Variants in CASTOR1 observed in about 807,000 individuals in gnomAD.
CASTOR1 encodes GATS protein like 3.
In CASTOR1, 18 loss-of-function variants were observed where a neutral mutation model predicts 33.7. That is an observed-to-expected ratio of 0.53 (90% confidence interval 0.37 to 0.79). The LOEUF (loss-of-function observed/expected upper bound fraction) is 0.79. CASTOR1 is among the 30% of genes least tolerant of loss of function. The pLI is 0.00. For synonymous variants in CASTOR1, 175 were observed against 190.6 expected (o/e 0.92, Z 0.67); for missense variants, 362 against 446.3 (o/e 0.81, Z 1.70).
At chr22:30,289,347 C>T in intron 1 of CASTOR1, 38 bp downstream of exon 1, 1 of 1,410,650 alleles carries the variant, frequency 7.1e-7, no homozygotes, top group South Asian at 1.2e-5. Flanking sequence ...GAGCAGAGCC[C>T]CCAGCCCCTA....
chr22:30,285,827 C>CTCCCCCTGCCCCAGCCCTTGGTGA lies in CASTOR1; in HGVS notation c.921+4_921+5insTCACCAAGGGCTGGGGCAGGGGGA. 1 of 1,604,114 alleles carries CTCCCCCTGCCCCAGCCCTTGGTGA rather than the reference C, an allele frequency of 6.2e-7. No homozygotes were observed. The highest frequency in any genetic ancestry group is 8.5e-7 in the Non-Finnish European group (1 of 1,175,108). ...CTCCCCTCTGCCCCAGCCCTTGGTG[C>CTCCCCCTGCCCCAGCCCTTGGTGA]TCACCAGGGCGTGGTCGAAGTTGAA... is the stretch of plus-strand genomic sequence containing the variant. On this transcript the variant is annotated splice_donor_region_variant and intron_variant, in intron 8 of 8. Coordinates refer to ENST00000407689, the MANE Select transcript of CASTOR1 (RefSeq NM_001037666.3).
chr22:30,287,149 C>T lies in CASTOR1; in HGVS notation c.505+6G>A. 1 of 1,608,316 alleles carries T rather than the reference C, an allele frequency of 6.2e-7. No homozygotes were observed. Among genetic ancestry groups the T allele is most frequent in the Non-Finnish European group, 8.5e-7 (1 of 1,176,388 alleles). ...CCAAGTCCAAGTGTCAGGGGGCGGC[C>T]CTCACCATGCTGAGTGCGGGGAAAG... On this transcript the variant is annotated splice_donor_region_variant and intron_variant, in intron 4 of 8. Transcript: ENST00000407689.
chr22:30,287,041 T>C, intron 4 of CASTOR1, 93 bp from the exon 5 acceptor site: 1 of 1,553,756 alleles, frequency 6.4e-7, no homozygotes, highest in South Asian at 1.2e-5. Flanking sequence ...GGGGCAGGTC[T>C]TGCTATCCAG....
Position 30,289,411 on chromosome 22 carries a change from C to T in CASTOR1, c.87G>A (p.Lys29=), listed in dbSNP as rs1447354677. 1 of 1,596,896 alleles carries T rather than the reference C, an allele frequency of 6.3e-7. No homozygotes were observed. Among genetic ancestry groups the T allele is most frequent in the Non-Finnish European group, 8.5e-7 (1 of 1,176,080 alleles). The change falls in exon 1 of 9, where the codon AAG becomes AAA. Residue 29 remains lysine, a synonymous_variant. Transcript: ENST00000407689. ...GLWLYTHPLI[K]LLFLPRRSRC... ...GGCTGCGGCGGGGCAGGAAGAGCAG[C>T]TTGATGAGCGGGTGGGTGTAGAGCC...
chr22:30,287,123 C>A (rs758675793), intron 4 of CASTOR1, 32 bp downstream of exon 4: 7 of 1,592,588 alleles, frequency 4.4e-6, no homozygotes, highest in African/African-American at 1.3e-5. Flanking sequence ...GGAGGCCCTG[C>A]CCAAGTCCAA....
chr22:30,285,546 GA>G lies in CASTOR1; in HGVS notation c.*73del. On this transcript the variant is annotated 3_prime_UTR_variant, in exon 9 of 9. Transcript: ENST00000407689. The stretch of plus-strand genomic sequence containing the variant: ...CAGGGGGCTCGTTCCAGAGCTTAAG[GA>G]AATAGCTTAGAGAAGTCTTTGGAAG... The G allele has an allele frequency of 8.2e-7, 1 of 1,212,604 alleles. No homozygotes were observed. Among genetic ancestry groups the G allele is most frequent in the South Asian group, 1.3e-5 (1 of 75,094 alleles). 75.1% of individuals were successfully genotyped at this position (1,212,604 alleles called of 1,614,324 possible).
chr22:30,286,870 G>C lies in CASTOR1; in HGVS notation c.584C>G (p.Pro195Arg), dbSNP rs750902277. The change falls in exon 5 of 9, where the codon CCA becomes CGA. Residue 195 changes from proline (P) to arginine (R), a missense_variant. Pro to Arg is a moderately radical substitution (Grantham distance 103, BLOSUM62 -2). Transcript: ENST00000407689. The part of the protein sequence containing the change: ...CVLTLDPETL[P>R]AIATTLIDVL... ...ATCTATGAGGGTGGTGGCGATGGCT[G>C]GAAGCGTCTCAGGGTCCAGTGTGAG... 9 of 1,614,192 alleles carry C rather than the reference G, an allele frequency of 5.6e-6. No homozygotes were observed. The highest frequency in any genetic ancestry group is 7.6e-6 in the Non-Finnish European group (9 of 1,180,024).
At position 30,287,361 on chromosome 22, in the gene CASTOR1, C is replaced by T; in HGVS notation, c.372+12G>A. 6.2e-7 allele frequency: 1 copy of T among 1,605,912 alleles called. No homozygotes were observed. Among genetic ancestry groups the T allele is most frequent in the Non-Finnish European group, 8.5e-7 (1 of 1,174,962 alleles). On this transcript the variant is annotated intron_variant, in intron 3 of 8. Transcript: ENST00000407689. ...CCACCCTGCTCTGCATCAGCACCAG[C>T]AGGAAACTCACCAGGATGAAGTCCG...
At chr22:30,285,722 G>A (rs1404015843) in intron 8 of CASTOR1, 34 bp from the exon 9 acceptor site, 3 of 1,543,192 alleles carry the variant, frequency 1.9e-6, no homozygotes, top group Non-Finnish European at 2.6e-6. Context: ...AAGGGTCAAG[G>A]CGGAAGCTGG....
chr22:30,286,033 C>T lies in CASTOR1; in HGVS notation c.809G>A (p.Gly270Glu). The T allele has an allele frequency of 6.3e-7, 1 of 1,593,982 alleles. No individual in the cohort carries two copies. Among genetic ancestry groups the T allele is most frequent in the Non-Finnish European group, 8.6e-7 (1 of 1,169,424 alleles). Reference protein sequence around the residue: ...GELWRMVRIGGQPLGFDECGI... With the variant: ...GELWRMVRIGEQPLGFDECGI... ...GCCCTCACCAAAGCCCAGGGGCTGT[C>T]CACCGATGCGCACCATCCTCCACAG... The change falls in exon 7 of 9, where the codon GGA (glycine) becomes GAA (glutamate). Residue 270 changes from glycine (G) to glutamate (E), a missense_variant. Gly to Glu is a moderately conservative substitution (Grantham distance 98). Coordinates refer to ENST00000407689, the MANE Select transcript of CASTOR1 (RefSeq NM_001037666.3).
chr22:30,287,451 G>A lies in CASTOR1; in HGVS notation c.294C>T (p.Ala98=). ...AVQAAGVTKI[A]RSVIAPLAEH... The stretch of plus-strand genomic sequence containing the variant: ...CGGCCAGTGGCGCGATGACCGAACG[G>A]GCGATCTTGGTGACCCCAGCAGCCT... The change falls in exon 3 of 9, where the codon GCC becomes GCT. Residue 98 remains alanine (A), a synonymous_variant. Coordinates refer to ENST00000407689, the MANE Select transcript of CASTOR1 (RefSeq NM_001037666.3). 1.2e-6 allele frequency: 2 copies of A among 1,613,360 alleles called. No individual in the cohort carries two copies. The highest frequency in any genetic ancestry group is 1.7e-6 in the Non-Finnish European group (2 of 1,180,032).
intron 5 of CASTOR1, 126 bp from the exon 6 acceptor site, chr22:30,286,502 C>T (rs5753057): frequency 1.4e-6 from 1 of 721,152 alleles, no homozygotes; most frequent in Non-Finnish European, 2.4e-6. Context: ...GCCATATCTG[C>T]TACCCGCCCA....
chr22:30,287,525 C>T lies in CASTOR1; in HGVS notation c.220G>A (p.Ala74Thr). Residue 74 changes from alanine to threonine, a missense_variant, in exon 3 of 9, where the codon GCC becomes ACC. Physicochemically the swap from Ala to Thr is moderately conservative, Grantham distance 58 (BLOSUM62 0). Coordinates refer to ENST00000407689, the MANE Select transcript of CASTOR1 (RefSeq NM_001037666.3). Reference protein sequence around the residue: ...PPSEFLQVAEATWLVLNVSSH... With the variant: ...PPSEFLQVAETTWLVLNVSSH... ...GACACGTTCAGCACCAGCCATGTGG[C>T]CTCAGCTACTTGCAGGAACTCAGAT... 1.2e-6 allele frequency: 2 copies of T among 1,613,252 alleles called. No individual in the cohort carries two copies. Among genetic ancestry groups the T allele is most frequent in the South Asian group, 1.1e-5 (1 of 91,066 alleles).
chr22:30,287,344 C>G, intron 3 of CASTOR1, 29 bp downstream of exon 3: 2 of 1,598,584 alleles, frequency 1.3e-6, no homozygotes, highest in Non-Finnish European at 1.7e-6. Context: ...ATCCACCCTG[C>G]TCTGCATCAG....
Position 30,285,499 on chromosome 22 carries a change from G to A in CASTOR1, c.*121C>T, listed in dbSNP as rs755989387. On this transcript the variant is annotated 3_prime_UTR_variant, in exon 9 of 9. Transcript: ENST00000407689. The stretch of plus-strand genomic sequence containing the variant: ...TGCACGCAGCTTACATACAGAGAGC[G>A]GAACGAGGGTCCCCAGCAGAACAGG... 4.7e-5 allele frequency: 36 copies of A among 771,262 alleles called. No homozygotes were observed. Among genetic ancestry groups the A allele is most frequent in the Admixed American group, 4.0e-4 (14 of 34,892 alleles). The allele number at this position is 771,262 out of a possible 1,614,324, so 47.8% of individuals were successfully genotyped here.
Position 30,285,858 on chromosome 22 carries a change from TG to T in CASTOR1, c.894del (p.Ser299AlafsTer58), listed in dbSNP as rs1179798129. On this transcript the variant is annotated frameshift_variant, in exon 8 of 9. Transcript: ENST00000407689. LOFTEE classifies it high-confidence loss of function. ...LAAADISAYY[I>X]STFNFDHALV... ...AGGGCGTGGTCGAAGTTGAAGGTGC[TG>T]ATGTAGTAGGCAGAGATGTCAGCGG... 3 of 886,564 alleles carry T rather than the reference TG, an allele frequency of 3.4e-6. No homozygotes were observed. In the East Asian group the frequency reaches 1.3e-4, roughly 39 times the overall value. The allele number at this position is 886,564 out of a possible 1,614,324, so 54.9% of individuals were successfully genotyped here.
At chr22:30,288,901 C>CT (rs1422472068) in intron 1 of CASTOR1, 125 bp from the exon 2 acceptor site, 25 of 695,266 alleles carry the variant, frequency 3.6e-5, no homozygotes, top group Non-Finnish European at 5.9e-5. Context: ...CCCTCTCGGC[C>CT]TTTAATTTCC....
chr22:30,286,554 G>A, intron 5 of CASTOR1, 178 bp from the exon 6 acceptor site: 1 of 659,928 alleles, frequency 1.5e-6, no homozygotes, highest in South Asian at 1.8e-5. Flanking sequence ...GATGGGGGAG[G>A]ACAATGAACC....
intron 6 of CASTOR1, 51 bp from the exon 7 acceptor site, chr22:30,286,149 G>T: frequency 1.4e-6 from 2 of 1,453,396 alleles, no homozygotes; most frequent in South Asian, 1.3e-5. Context: ...ACCCCTGCCT[G>T]ACCGTGAGCT....
Sources: gnomAD v4.1 joint callset for allele counts on GRCh38, gnomAD v4.1.1 for gene constraint, MANE v1.5 for transcripts, NCBI Gene and HGNC (gene_info 2026-07-23, HGNC 2026-07-21) for gene names.